NSMAF: variants seen among roughly 807,000 people sequenced by gnomAD.
The protein encoded by NSMAF is neutral sphingomyelinase activation associated factor.
A neutral mutation model predicts 134.9 loss-of-function variants in NSMAF; 90 were observed. The observed-to-expected ratio is 0.67, with a 90% CI of 0.56 to 0.79. The LOEUF is 0.79. Among genes scored for constraint, NSMAF ranks in the 30% least tolerant of loss-of-function variants. NSMAF has a pLI of 0.00. For synonymous variants in NSMAF, 358 were observed against 389.6 expected (o/e 0.92, Z 0.96); for missense variants, 1,010 against 1,119.0 (o/e 0.90, Z 1.39).
Position 58,601,473 on chromosome 8 carries a change from A to T in NSMAF, c.1188T>A (p.Gly396=). 1 of 1,611,898 alleles carries T rather than the reference A, an allele frequency of 6.2e-7. No individual in the cohort carries two copies. The highest frequency in any genetic ancestry group is 8.5e-7 in the Non-Finnish European group (1 of 1,179,020). The part of the protein sequence containing the change: ...FMYGSHYSSP[G]YVLFYLVRIA... ...TCCTAACAAGATAAAAAAGTACATA[A>T]CCCGGGGAAGAGTAGTGACTCCCAT... The change falls in exon 15 of 31, where the codon GGT becomes GGA. Residue 396 remains glycine (G), a synonymous_variant. Transcript: ENST00000038176.
intron 12 of NSMAF, among the ~76,000 whole-genome samples, chr8:58,603,934 G>A (rs983472700): frequency 2.6e-5 from 4 of 152,120 alleles, no homozygotes; most frequent in Admixed American, 6.5e-5. Context: ...TTGGCAGGAG[G>A]ACCAATTCTC....
At chr8:58,640,172 G>C in intron 2 of NSMAF, 1 of 431,718 alleles carries the variant, frequency 2.3e-6, no homozygotes, top group South Asian at 1.7e-5. Context: ...GGCTCAGAGA[G>C]TAGATCTTAT....
chr8:58,597,562 A>G lies in NSMAF; in HGVS notation c.1629-12T>C, dbSNP rs1476039865. 3 of 1,613,532 alleles carry G rather than the reference A, an allele frequency of 1.9e-6. No homozygotes were observed. Among genetic ancestry groups the G allele is most frequent in the Admixed American group, 1.7e-5 (1 of 59,990 alleles). The stretch of plus-strand genomic sequence containing the variant: ...CAGGATCCTGGATGCTTTGGGACAG[A>G]ACACAAATAATGCAGTGAACCACTA... On this transcript the variant is annotated splice_polypyrimidine_tract_variant and intron_variant, in intron 20 of 30. Coordinates refer to ENST00000038176, the MANE Select transcript of NSMAF (RefSeq NM_003580.4).
chr8:58,601,680 G>A (rs1021543118), intron 14 of NSMAF, 145 bp from the exon 15 acceptor site: 5 of 1,263,676 alleles, frequency 4.0e-6, no homozygotes, highest in Non-Finnish European at 5.2e-6. Flanking sequence ...GAGAAGATAA[G>A]AGGGAAAGAA....
chr8:58,594,083 C>T (rs1371211352), intron 23 of NSMAF, 149 bp downstream of exon 23: 1 of 630,494 alleles, frequency 1.6e-6, no homozygotes, highest in Non-Finnish European at 2.8e-6. Flanking sequence ...CCATGAAACT[C>T]TATGTAATGT....
chr8:58,655,670 G>A (rs1807688592), intron 1 of NSMAF, among the ~76,000 whole-genome samples: 4 of 152,086 alleles, frequency 2.6e-5, no homozygotes. Flanking sequence ...CACTTTGGGA[G>A]GCCGAGGCGG....
At chr8:58,606,271 A>C (rs957926871) in intron 11 of NSMAF, among the ~76,000 whole-genome samples, 1 of 152,206 alleles carries the variant, frequency 6.6e-6, no homozygotes, top group Non-Finnish European at 1.5e-5. Context: ...TATCTCAGCT[A>C]AACTTTGTAA....
At chr8:58,591,068 C>G in intron 23 of NSMAF, 134 bp from the exon 24 acceptor site, 1 of 1,040,476 alleles carries the variant, frequency 9.6e-7, no homozygotes, top group Non-Finnish European at 1.3e-6. Context: ...TATGGAAAAC[C>G]GAATGTAAAC....
intron 6 of NSMAF, among the ~76,000 whole-genome samples, chr8:58,629,727 G>A (rs1454955456): frequency 2.0e-5 from 3 of 152,214 alleles, no homozygotes; most frequent in African/African-American, 4.8e-5. Context: ...AGATGCTGGA[G>A]GCCTCTCAAA....
chr8:58,617,232 T>G (rs1334394033), intron 9 of NSMAF, among the ~76,000 whole-genome samples: 2 of 152,204 alleles, frequency 1.3e-5, no homozygotes, highest in Non-Finnish European at 2.9e-5. Context: ...AGCAATATCA[T>G]TCAGGACATA....
intron 5 of NSMAF, among the ~76,000 whole-genome samples, chr8:58,632,168 A>C (rs1323764277): frequency 6.6e-6 from 1 of 152,118 alleles, no homozygotes; most frequent in Non-Finnish European, 1.5e-5. Flanking sequence ...CAAACCTGTC[A>C]GATATTCAAA....
chr8:58,637,378 T>TTA (rs1269894132), intron 2 of NSMAF: 11 of 456,112 alleles, frequency 2.4e-5, no homozygotes, highest in Non-Finnish European at 4.4e-5. Flanking sequence ...TGCAACTGAG[T>TTA]TATTTCTAGG....
chr8:58,637,965 C>T (rs181528893), intron 2 of NSMAF, among the ~76,000 whole-genome samples: 2 of 151,736 alleles, frequency 1.3e-5, no homozygotes, highest in African/African-American at 2.4e-5. Flanking sequence ...CTATTAAAAT[C>T]CCAATGGCAT....
intron 13 of NSMAF, 110 bp from the exon 14 acceptor site, chr8:58,602,247 G>C (rs1425249839): frequency 4.0e-6 from 3 of 757,116 alleles, no homozygotes; most frequent in Admixed American, 5.5e-5. Context: ...TAAAAATTGA[G>C]AGCAATCCAT....
At chr8:58,585,614 T>G in intron 30 of NSMAF, 38 bp downstream of exon 30, 14 of 1,438,444 alleles carry the variant, frequency 9.7e-6, no homozygotes, top group African/African-American at 2.8e-5. Context: ...TTCATTATCT[T>G]GAGAACAAAG....
chr8:58,655,829 C>A (rs1406169427), intron 1 of NSMAF, among the ~76,000 whole-genome samples: 1 of 151,658 alleles, frequency 6.6e-6, no homozygotes, highest in Non-Finnish European at 1.5e-5. Context: ...ATGGCGTGAA[C>A]CCGGGAGGCG....
chr8:58,595,702 C>A (rs772580664), intron 21 of NSMAF, 43 bp from the exon 22 acceptor site: 1 of 1,161,840 alleles, frequency 8.6e-7, no homozygotes, highest in Admixed American at 1.7e-5. Context: ...AACTAAGTTA[C>A]CAACAGACAA....
chr8:58,631,464 A>G (rs747324865), intron 6 of NSMAF, 32 bp downstream of exon 6: 1 of 1,331,532 alleles, frequency 7.5e-7, no homozygotes, highest in Non-Finnish European at 1.0e-6. Flanking sequence ...GACTATATAA[A>G]TTGCTGGAAA....
intron 2 of NSMAF, 102 bp downstream of exon 2, chr8:58,642,882 A>T (rs1807367492): frequency 1.2e-6 from 1 of 826,988 alleles, no homozygotes. Flanking sequence ...TTTAAAGCCT[A>T]ATTTTTTCTT....
Sources: allele counts gnomAD v4.1 joint callset (sites outside exome capture counted in the v4.1 genomes callset), GRCh38; gene constraint gnomAD v4.1.1; transcripts MANE v1.5; gene names NCBI Gene and HGNC (gene_info 2026-07-23, HGNC 2026-07-21).